Variants in SLC9A4 observed in about 807,000 individuals in gnomAD.
SLC9A4 encodes solute carrier family 9 member A4.
Under a neutral mutation model 67.4 loss-of-function variants are expected in SLC9A4, and 63 were observed. The ratio of observed to expected loss-of-function variants is 0.93; its 90% CI spans 0.76 to 1.15. The LOEUF (loss-of-function observed/expected upper bound fraction) is 1.15. Ranked by LOEUF, SLC9A4 falls within the 50% of genes most tolerant of loss-of-function variation. SLC9A4 has a pLI of 0.00. For missense variants in SLC9A4, 1,089 were observed against 987.7 expected (o/e 1.10, Z -1.38); for synonymous variants, 393 against 367.2 (o/e 1.07, Z -0.80).
intron 8 of SLC9A4, among the ~76,000 whole-genome samples, chr2:102,516,527 A>G (rs1685281811): frequency 6.6e-6 from 1 of 152,198 alleles, no homozygotes; most frequent in Non-Finnish European, 1.5e-5. Flanking sequence ...AACAAAATGC[A>G]CAGGTATTTT....
At chr2:102,529,309 G>A (rs1165209052) in intron 11 of SLC9A4, among the ~76,000 whole-genome samples, 1 of 152,206 alleles carries the variant, frequency 6.6e-6, no homozygotes, top group South Asian at 2.1e-4. Flanking sequence ...CTAGAAATCT[G>A]AGGGAAAAGT....
chr2:102,483,879 A>G (rs1684528438), intron 2 of SLC9A4, among the ~76,000 whole-genome samples: 1 of 147,646 alleles, frequency 6.8e-6, no homozygotes, highest in African/African-American at 2.5e-5. Flanking sequence ...ACATATATAC[A>G]TATATAATAT....
chr2:102,494,149 A>G (rs1360811379), intron 2 of SLC9A4, among the ~76,000 whole-genome samples: 2 of 152,080 alleles, frequency 1.3e-5, no homozygotes, highest in East Asian at 3.9e-4. Flanking sequence ...ATATGAATCC[A>G]TAAGATTTAA....
chr2:102,532,262 T>C (rs1674792157), intron 11 of SLC9A4, 68 bp from the exon 12 acceptor site: 4 of 1,495,752 alleles, frequency 2.7e-6, no homozygotes, highest in Non-Finnish European at 3.6e-6. Context: ...TCCTGCCATG[T>C]GGATATTAAG....
intron 2 of SLC9A4, among the ~76,000 whole-genome samples, chr2:102,498,429 G>A (rs779841586): frequency 6.4e-4 from 97 of 152,316 alleles, no homozygotes; most frequent in Admixed American, 1.2e-3. Context: ...AATCTAACAA[G>A]CTATGTGAAA....
At chr2:102,490,170 G>A (rs566085434) in intron 2 of SLC9A4, among the ~76,000 whole-genome samples, 64 of 152,002 alleles carry the variant, frequency 4.2e-4, no homozygotes, top group African/African-American at 1.4e-3. Flanking sequence ...TTAAGAAACT[G>A]AGTTATGGCA....
At chr2:102,475,945 T>C (rs909268784) in intron 1 of SLC9A4, among the ~76,000 whole-genome samples, 3 of 152,224 alleles carry the variant, frequency 2.0e-5, no homozygotes, top group African/African-American at 7.2e-5. Flanking sequence ...TTAATAATCA[T>C]TATTATGATT....
chr2:102,525,166 G>C lies in SLC9A4; in HGVS notation c.1950+11G>C. 1 of 1,613,852 alleles carries C rather than the reference G, an allele frequency of 6.2e-7. No homozygotes were observed. The highest frequency in any genetic ancestry group is 8.5e-7 in the Non-Finnish European group (1 of 1,179,882). On this transcript the variant is annotated intron_variant, in intron 10 of 11. Transcript: ENST00000295269. ...CCCTGGGGAAAGCCGGTACATTGGGGCTGGGGACTGGGACATTCCTTCAGT... is the reference window on the plus strand; with the variant it reads ...CCCTGGGGAAAGCCGGTACATTGGGCCTGGGGACTGGGACATTCCTTCAGT...
At chr2:102,504,857 G>A (rs998749605) in intron 3 of SLC9A4, among the ~76,000 whole-genome samples, 7 of 152,210 alleles carry the variant, frequency 4.6e-5, no homozygotes, top group African/African-American at 1.7e-4. Context: ...TTTATGGTTG[G>A]ATTGGAGGAA....
At position 102,473,828 on chromosome 2, in the gene SLC9A4, T is replaced by C; in HGVS notation, c.69T>C (p.Cys23=). ...TGCTACTGCTAGTGGCTCTTGAGTG[T>C]TCTGAAGCATCTTCTGATTTGAATG... The part of the protein sequence containing the change: ...NCLLLLVALE[C]SEASSDLNES... Residue 23 remains cysteine (C), a synonymous_variant, in exon 1 of 12, where the codon TGT becomes TGC. Coordinates refer to ENST00000295269, the MANE Select transcript of SLC9A4 (RefSeq NM_001011552.4). The C allele has an allele frequency of 6.2e-7, 1 of 1,614,112 alleles. No homozygotes were observed. Among genetic ancestry groups the C allele is most frequent in the East Asian group, 2.2e-5 (1 of 44,882 alleles).
At chr2:102,500,532 G>A (rs191044644) in intron 2 of SLC9A4, among the ~76,000 whole-genome samples, 9 of 152,172 alleles carry the variant, frequency 5.9e-5, no homozygotes, top group South Asian at 2.1e-4. Flanking sequence ...CAACCTCCTC[G>A]TGTGGCCTCC....
intron 6 of SLC9A4, among the ~76,000 whole-genome samples, chr2:102,510,219 A>ATACG: frequency 7.3e-6 from 1 of 137,864 alleles, no homozygotes; most frequent in African/African-American, 2.8e-5. Context: ...ATATAGATAC[A>ATACG]GATACGGATA....
intron 4 of SLC9A4, among the ~76,000 whole-genome samples, chr2:102,506,134 C>T (rs1316378794): frequency 7.9e-5 from 12 of 152,212 alleles, no homozygotes; most frequent in Admixed American, 7.9e-4. Flanking sequence ...ACTGGCATCA[C>T]ACCTGTAAAA....
rs1246196837 is a variant in SLC9A4, at chr2:102,525,946, G to A, written c.1951-313G>A. Among the ~76,000 whole-genome samples, 4 of 152,162 alleles carry A rather than the reference G, an allele frequency of 2.6e-5. No individual in the cohort carries two copies. The East Asian group carries it at 7.7e-4, about 29-fold the overall frequency. ...TCACCCAGACTGGAGTGCAGTGAGT[G>A]GCGCGATCTCAGCTCACTGAAACCT... On this transcript the variant is annotated intron_variant, in intron 10 of 11. Coordinates refer to ENST00000295269, the MANE Select transcript of SLC9A4 (RefSeq NM_001011552.4).
chr2:102,487,231 AAGAGAGAGAGAAAC>A (rs1473515901), intron 2 of SLC9A4, among the ~76,000 whole-genome samples: 22 of 149,152 alleles, frequency 1.5e-4, no homozygotes, highest in African/African-American at 4.8e-4. Context: ...GAAGTAAACC[AAGAGAGAGAGAAAC>A]AGAGAGAGAG....
At chr2:102,526,154 C>A in intron 10 of SLC9A4, 105 bp from the exon 11 acceptor site, 1 of 1,196,662 alleles carries the variant, frequency 8.4e-7, no homozygotes. Context: ...TCCCAAAGTG[C>A]TGGGATTACA....
intron 7 of SLC9A4, 70 bp from the exon 8 acceptor site, chr2:102,514,020 A>T: frequency 6.5e-7 from 1 of 1,538,068 alleles, no homozygotes; most frequent in Non-Finnish European, 8.7e-7. Context: ...GTTTGTTTCA[A>T]GAGAAATGCA....
chr2:102,494,027 A>G (rs1009451355), intron 2 of SLC9A4, among the ~76,000 whole-genome samples: 1 of 151,872 alleles, frequency 6.6e-6, no homozygotes. Flanking sequence ...CATAGAATTT[A>G]CCCTTACAGG....
intron 9 of SLC9A4, among the ~76,000 whole-genome samples, chr2:102,523,973 A>G (rs1674604157): frequency 6.6e-6 from 1 of 152,204 alleles, no homozygotes; most frequent in Non-Finnish European, 1.5e-5. Flanking sequence ...CCTGTACTCT[A>G]TGACCCCCGA....
Sources: gnomAD v4.1 joint callset for allele counts (sites outside exome capture counted in the v4.1 genomes callset) on GRCh38, gnomAD v4.1.1 for gene constraint, MANE v1.5 for transcripts, NCBI Gene and HGNC (gene_info 2026-07-23, HGNC 2026-07-21) for gene names.